RAG1: variants seen among roughly 807,000 people sequenced by gnomAD.
The protein encoded by RAG1 is V(D)J recombination-activating protein 1.
RAG1 carries 35 observed loss-of-function variants against 62.7 expected under a neutral mutation model. The ratio of observed to expected loss-of-function variants is 0.56; its 90% CI spans 0.43 to 0.74. The LOEUF is 0.74. RAG1 is among the 30% of genes least tolerant of loss of function. The pLI is 0.00. For synonymous variants in RAG1, 461 were observed against 470.3 expected, an observed-to-expected ratio of 0.98 and a Z score of 0.26; for missense variants, 1,169 against 1,278.6, an observed-to-expected ratio of 0.91 and a Z score of 1.31.
chr11:36,549,326 G>T (rs959809368), intron 3 of RAG1, among the ~76,000 whole-genome samples: 3 of 152,208 alleles, frequency 2.0e-5, no homozygotes, highest in African/African-American at 7.2e-5. Context: ...TATCATCAGA[G>T]TGAACAGGCA....
At chr11:36,511,920 C>T (rs1170151322) in intron 1 of RAG1, among the ~76,000 whole-genome samples, 1 of 152,186 alleles carries the variant, frequency 6.6e-6, no homozygotes, top group African/African-American at 2.4e-5. Flanking sequence ...GGGATAATGT[C>T]TACCTTACCA....
At chr11:36,569,590 A>G (rs1349868903) in intron 1 of RAG1, among the ~76,000 whole-genome samples, 2 of 152,230 alleles carry the variant, frequency 1.3e-5, no homozygotes, top group Non-Finnish European at 2.9e-5. Flanking sequence ...TCTGGGGGAA[A>G]TTTAGAAGAA....
At chr11:36,557,577 C>G (rs545836842) in intron 3 of RAG1, among the ~76,000 whole-genome samples, 1 of 152,136 alleles carries the variant, frequency 6.6e-6, no homozygotes, top group Non-Finnish European at 1.5e-5. Flanking sequence ...TCTTCTGCGT[C>G]GCTCACGCTG....
chr11:36,565,487 C>G (rs143196268), upstream of RAG1, among the ~76,000 whole-genome samples: 1 of 152,202 alleles, frequency 6.6e-6, no homozygotes, highest in Non-Finnish European at 1.5e-5. Flanking sequence ...CACAGCTAAT[C>G]ACTAGTCTGG....
At chr11:36,526,592 T>C (rs1289340769) in intron 2 of RAG1, among the ~76,000 whole-genome samples, 1 of 152,214 alleles carries the variant, frequency 6.6e-6, no homozygotes, top group Non-Finnish European at 1.5e-5. Context: ...TTTGGGTATA[T>C]ATCCAGTAAT....
Position 36,514,136 on chromosome 11 carries a change from G to A in RAG1, n.330+3098G>A, listed in dbSNP as rs190276875. On this transcript the variant is annotated intron_variant and non_coding_transcript_variant, in intron 1 of 2. Transcript: ENST00000529126. The stretch of plus-strand genomic sequence containing the variant: ...TGAGCCCTCTTGCCAATAGCCAGAC[G>A]ATTGCTGAGGCTTTCTGCCAAAGCC... Among the ~76,000 whole-genome samples, 10 of 152,304 alleles carry A rather than the reference G, an allele frequency of 6.6e-5. No homozygotes were observed. In the East Asian group the frequency reaches 1.9e-3, roughly 29 times the overall value.
intron 3 of RAG1, among the ~76,000 whole-genome samples, chr11:36,547,521 C>A (rs1289157852): frequency 6.6e-6 from 1 of 152,162 alleles, no homozygotes; most frequent in Non-Finnish European, 1.5e-5. Context: ...ACTAGAAAAT[C>A]TAGAAGAAAT....
intron 3 of RAG1, among the ~76,000 whole-genome samples, chr11:36,547,384 C>T (rs1327710585): frequency 6.6e-6 from 1 of 151,844 alleles, no homozygotes; most frequent in Middle Eastern, 3.4e-3. Context: ...GCTAGCCAGA[C>T]TAATAAAGAA....
chr11:36,521,706 A>C (rs1011115578), intron 2 of RAG1, among the ~76,000 whole-genome samples: 3 of 152,174 alleles, frequency 2.0e-5, no homozygotes, highest in Non-Finnish European at 4.4e-5. Flanking sequence ...AGACAGGAAA[A>C]TGTGGGAAAG....
chr11:36,544,768 T>C (rs1440811845), intron 3 of RAG1, among the ~76,000 whole-genome samples: 1 of 152,180 alleles, frequency 6.6e-6, no homozygotes, highest in African/African-American at 2.4e-5. Flanking sequence ...TGGGAGGTGA[T>C]TGGATCATGG....
chr11:36,525,381 G>A (rs540218396), intron 2 of RAG1, among the ~76,000 whole-genome samples: 4 of 151,946 alleles, frequency 2.6e-5, no homozygotes, highest in East Asian at 3.9e-4. Context: ...CTTTTAGTTC[G>A]TTTACCTTCC....
At chr11:36,562,720 C>T (rs993106713) in intron 3 of RAG1, among the ~76,000 whole-genome samples, 18 of 152,156 alleles carry the variant, frequency 1.2e-4, no homozygotes, top group African/African-American at 3.1e-4. Flanking sequence ...TTGGCTTGGG[C>T]TACCATAACA....
intron 2 of RAG1, among the ~76,000 whole-genome samples, chr11:36,533,147 T>C (rs974404653): frequency 1.3e-5 from 2 of 152,104 alleles, no homozygotes; most frequent in Non-Finnish European, 1.5e-5. Context: ...TGGTTCCCCA[T>C]AGAAACAGGA....
In RAG1 at chr11:36,577,012, C is replaced by T. The variant is rs1277898709; in HGVS notation, c.*576C>T. Reference sequence around the variant, plus strand: ...TGACCTTTACAAAGTGCTCTCAATGCATTTACCCATTCGTTATATAAATAT... The same window carrying T: ...TGACCTTTACAAAGTGCTCTCAATGTATTTACCCATTCGTTATATAAATAT... On this transcript the variant is annotated 3_prime_UTR_variant, in exon 2 of 2. Transcript: ENST00000299440. 5.9e-6 allele frequency: 1 copy of T among 168,984 alleles called. No homozygotes were observed. The highest frequency in any genetic ancestry group is 6.3e-5 in the Admixed American group (1 of 15,824). 10.5% of individuals were successfully genotyped at this position (168,984 alleles called of 1,614,324 possible). A position where few individuals can be genotyped will look rare whatever the true frequency, so the allele number is the denominator to read the frequency against.
intron 2 of RAG1, among the ~76,000 whole-genome samples, chr11:36,533,818 G>C (rs766049692): frequency 2.0e-5 from 3 of 151,962 alleles, no homozygotes; most frequent in Admixed American, 6.5e-5. Flanking sequence ...TGATTAAGGT[G>C]ATCGTATGTA....
At chr11:36,558,175 T>C (rs1450972262) in intron 3 of RAG1, among the ~76,000 whole-genome samples, 1 of 152,232 alleles carries the variant, frequency 6.6e-6, no homozygotes, top group African/African-American at 2.4e-5. Context: ...TTGTTGAGAC[T>C]TGTTTTGTGG....
intron 3 of RAG1, among the ~76,000 whole-genome samples, chr11:36,544,749 G>C (rs1435386474): frequency 2.0e-5 from 3 of 152,206 alleles, no homozygotes; most frequent in Non-Finnish European, 4.4e-5. Flanking sequence ...TGTCGAGGGA[G>C]GGACCCTGTG....
chr11:36,575,093 G>T lies in RAG1; in HGVS notation c.1789G>T (p.Val597Leu), dbSNP rs1850821043. 1.2e-6 allele frequency: 2 copies of T among 1,614,064 alleles called. No homozygotes were observed. The highest frequency in any genetic ancestry group is 1.1e-5 in the South Asian group (1 of 91,084). Reference protein sequence around the residue: ...DDYLNGPFTVVVKESCDGMGD... With the variant: ...DDYLNGPFTVLVKESCDGMGD... ...TTACCTGAATGGCCCCTTCACTGTG[G>T]TGGTGAAGGAGTCTTGTGATGGAAT... The change falls in exon 2 of 2, where the codon GTG becomes TTG. Residue 597 changes from valine to leucine, a missense_variant. By Grantham distance (32) the Val-to-Leu change is conservative. Transcript: ENST00000299440. The surrounding 1 kb of genome is among the most constrained non-coding windows in gnomAD (Gnocchi z 4.1).
chr11:36,572,840 C>T (rs1396602094), intron 1 of RAG1, among the ~76,000 whole-genome samples: 1 of 152,140 alleles, frequency 6.6e-6, no homozygotes, highest in African/African-American at 2.4e-5. Flanking sequence ...CTTTAAAAAG[C>T]TGGAAATACA....
Sources: gnomAD v4.1 joint callset for allele counts (sites outside exome capture counted in the v4.1 genomes callset) on GRCh38, gnomAD v4.1.1 for gene constraint, Gnocchi (gnomAD v3.1) non-coding constraint, MANE v1.5 for transcripts, NCBI Gene and HGNC (gene_info 2026-07-23, HGNC 2026-07-21) for gene names.